The following POTEG variants were observed in gnomAD, a reference collection of about 807,000 sequenced individuals.
The protein encoded by POTEG is ANKRD26-like family C member 2.
POTEG carries 2 observed loss-of-function variants against 49.6 expected under a neutral mutation model. The observed-to-expected ratio is 0.04, with a 90% CI of 0.02 to 0.13. The LOEUF (loss-of-function observed/expected upper bound fraction) is 0.13, where lower values mean the gene tolerates loss of function less well. Ranked by LOEUF, POTEG falls within the 10% of genes least tolerant of loss-of-function variation. POTEG has a pLI of 1.00. For missense variants in POTEG, 26 were observed against 545.2 expected (o/e 0.05, Z 9.48); for synonymous variants, 7 against 186.6 (o/e 0.04, Z 7.84).
intron 6 of POTEG, among the ~76,000 whole-genome samples, chr14:19,420,000 T>G (rs1812298): frequency 0.22 from 28,296 of 126,522 alleles, 707 homozygotes; most frequent in Non-Finnish European, 0.31. Context: ...CAACCTCTCG[T>G]ATCTCACACT....
chr14:19,414,323 C>T (rs1303978997), intron 8 of POTEG, among the ~76,000 whole-genome samples: 3 of 145,154 alleles, frequency 2.1e-5, no homozygotes, highest in Admixed American at 6.9e-5. Flanking sequence ...CCTAAAGTGG[C>T]ATTACTTAGC....
intron 1 of POTEG, among the ~76,000 whole-genome samples, chr14:19,432,431 C>CAT (rs1884189819): frequency 1.6e-4 from 3 of 19,296 alleles, no homozygotes; most frequent in Non-Finnish European, 2.0e-4. Context: ...TATGTATATA[C>CAT]GTATATATAT....
At chr14:19,425,466 A>G in intron 4 of POTEG, 140 bp downstream of exon 4, 1 of 190,806 alleles carries the variant, frequency 5.2e-6, no homozygotes, top group Admixed American at 9.1e-5. Context: ...CCCAGTCCAA[A>G]TAATTGTTTT....
intron 1 of POTEG, among the ~76,000 whole-genome samples, chr14:19,433,056 C>G (rs763802368): frequency 0.036 from 3,544 of 97,284 alleles, no homozygotes; most frequent in Non-Finnish European, 0.046. Context: ...TCCTGAGTAG[C>G]TGGGACTACA....
intron 1 of POTEG, among the ~76,000 whole-genome samples, chr14:19,432,411 CAT>C (rs1491169332): frequency 9.9e-4 from 64 of 64,890 alleles, no homozygotes; most frequent in African/African-American, 3.8e-3. Flanking sequence ...TATACACACA[CAT>C]GTATATATAT....
chr14:19,432,444 A>G (rs1258770220), intron 1 of POTEG, among the ~76,000 whole-genome samples: 2 of 80,286 alleles, frequency 2.5e-5, no homozygotes. Context: ...ATATATATAT[A>G]TACATATATA....
At chr14:19,433,106 T>C (rs1430115078) in intron 1 of POTEG, among the ~76,000 whole-genome samples, 230 of 145,462 alleles carry the variant, frequency 1.6e-3, no homozygotes, top group South Asian at 7.8e-3. Context: ...TTTTATATTT[T>C]TTAGTAGAGA....
intron 1 of POTEG, among the ~76,000 whole-genome samples, chr14:19,431,633 C>CT (rs1884146353): frequency 2.0e-5 from 1 of 51,128 alleles, no homozygotes; most frequent in Non-Finnish European, 3.6e-5. Context: ...GGGTCTCACT[C>CT]TGTCACCCAT....
intron 1 of POTEG, among the ~76,000 whole-genome samples, chr14:19,432,403 T>TATATATACACAC (rs1330765784): frequency 5.8e-3 from 258 of 44,602 alleles, no homozygotes; most frequent in Non-Finnish European, 9.4e-3. Context: ...TATATATATA[T>TATATATACACAC]ACACACACAT....
At chr14:19,432,407 C>T (rs868612990) in intron 1 of POTEG, among the ~76,000 whole-genome samples, 554 of 48,538 alleles carry the variant, frequency 0.011, 4 homozygotes, top group South Asian at 0.019. Flanking sequence ...TATATATACA[C>T]ACACATGTAT....
intron 3 of POTEG, among the ~76,000 whole-genome samples, chr14:19,426,429 T>A (rs1276000281): frequency 2.8e-4 from 43 of 151,680 alleles, no homozygotes; most frequent in African/African-American, 8.5e-4. Flanking sequence ...ACAGCTTCAA[T>A]TGATAAAAAA....
At chr14:19,415,411 A>T (rs1331707189) in intron 7 of POTEG, among the ~76,000 whole-genome samples, 1 of 145,502 alleles carries the variant, frequency 6.9e-6, no homozygotes, top group East Asian at 2.0e-4. Context: ...ACTGAGGTCA[A>T]TGAGAGACCA....
intron 7 of POTEG, among the ~76,000 whole-genome samples, chr14:19,415,040 C>G (rs1431414730): frequency 6.9e-6 from 1 of 145,498 alleles, no homozygotes; most frequent in Non-Finnish European, 1.5e-5. Flanking sequence ...CCACAGTGCA[C>G]TGAAGTGCTT....
intron 1 of POTEG, among the ~76,000 whole-genome samples, chr14:19,432,413 TGTATATATATGTATATAC>T (rs1884186703): frequency 1.4e-5 from 1 of 72,140 alleles, no homozygotes; most frequent in African/African-American, 5.4e-5. Flanking sequence ...TACACACACA[TGTATATATATGTATATAC>T]GTATATATAT....
chr14:19,419,856 G>A (rs1448847486), intron 6 of POTEG, among the ~76,000 whole-genome samples: 138 of 131,984 alleles, frequency 1.0e-3, no homozygotes, highest in African/African-American at 3.6e-3. Flanking sequence ...TTTAGCCACC[G>A]CTCATCTAGT....
intron 7 of POTEG, among the ~76,000 whole-genome samples, 198 bp from the exon 8 acceptor site, chr14:19,414,804 T>C (rs1165792777): frequency 2.8e-5 from 4 of 142,100 alleles, no homozygotes; most frequent in African/African-American, 5.0e-5. Context: ...TATGTTTAGC[T>C]ACTGCCACAT....
At chr14:19,433,137 CAGG>C (rs1238525302) in intron 1 of POTEG, among the ~76,000 whole-genome samples, 1 of 148,210 alleles carries the variant, frequency 6.7e-6, no homozygotes, top group African/African-American at 2.5e-5. Flanking sequence ...CCGTGTTAGC[CAGG>C]ATGGTCTCGA....
intron 1 of POTEG, among the ~76,000 whole-genome samples, chr14:19,433,115 G>C (rs1884229207): frequency 6.8e-6 from 1 of 147,184 alleles, no homozygotes; most frequent in African/African-American, 2.5e-5. Context: ...TTTTAGTAGA[G>C]ACGGGGTTTC....
At chr14:19,415,682 A>C (rs1163050686) in intron 7 of POTEG, among the ~76,000 whole-genome samples, 540 of 150,476 alleles carry the variant, frequency 3.6e-3, no homozygotes, top group African/African-American at 0.013. Context: ...TCAAGAAGGC[A>C]GATAAGAATA....
Sources: gnomAD v4.1 joint callset for allele counts (sites outside exome capture counted in the v4.1 genomes callset) on GRCh38, gnomAD v4.1.1 for gene constraint, MANE v1.5 for transcripts, NCBI Gene and HGNC (gene_info 2026-07-23, HGNC 2026-07-21) for gene names.